Variants in RALGAPA1 observed in about 807,000 individuals in gnomAD.
RALGAPA1 encodes Ral GTPase activating protein catalytic subunit alpha 1.
RALGAPA1 carries 52 observed loss-of-function variants against 269.6 expected under a neutral mutation model. The observed-to-expected ratio is 0.19, with a 90% CI of 0.15 to 0.24. The LOEUF is 0.24. RALGAPA1 is among the 10% of genes least tolerant of loss of function. RALGAPA1 has a pLI of 1.00. For missense variants in RALGAPA1, 1,917 were observed against 3,013.9 expected, an observed-to-expected ratio of 0.64 and a Z score of 8.52; for synonymous variants, 817 against 1,008.3, an observed-to-expected ratio of 0.81 and a Z score of 3.60.
chr14:35,551,654 G>A (rs931978060), intron 39 of RALGAPA1, among the ~76,000 whole-genome samples: 4 of 152,088 alleles, frequency 2.6e-5, no homozygotes, highest in African/African-American at 9.7e-5. Flanking sequence ...TAAAGCAGGG[G>A]AGGATATTTC....
chr14:35,606,949 G>C (rs925419741), intron 35 of RALGAPA1, among the ~76,000 whole-genome samples: 3 of 152,124 alleles, frequency 2.0e-5, no homozygotes, highest in Non-Finnish European at 4.4e-5. Flanking sequence ...TGAGCACATA[G>C]GCAAACTTTC....
intron 39 of RALGAPA1, among the ~76,000 whole-genome samples, chr14:35,562,544 A>G (rs187390921): frequency 4.6e-5 from 7 of 152,346 alleles, no homozygotes; most frequent in African/African-American, 1.7e-4. Flanking sequence ...CTGATTAAGT[A>G]GTCAAAATAA....
At chr14:35,664,043 T>C (rs2063747164) in intron 27 of RALGAPA1, among the ~76,000 whole-genome samples, 1 of 152,164 alleles carries the variant, frequency 6.6e-6, no homozygotes. Context: ...TGAAGACTTA[T>C]AAACAACAAG....
rs536709411 is a variant in RALGAPA1, at chr14:35,734,171, C to T, written c.1587+4342G>A. On this transcript the variant is annotated intron_variant, in intron 12 of 41. Coordinates refer to ENST00000680220, the MANE Select transcript of RALGAPA1 (RefSeq NM_001346249.2). ...TTCAATGCAATCTCTATCAAAATGC[C>T]ACTATAATTCTTCACAGAATTAGAA... 2.6e-5 allele frequency among the ~76,000 whole-genome samples: 4 copies of T among 152,150 alleles called. No individual in the cohort carries two copies. The South Asian group carries it at 8.3e-4, about 32-fold the overall frequency.
chr14:35,667,483 G>A (rs564747861), intron 26 of RALGAPA1, among the ~76,000 whole-genome samples: 6 of 152,248 alleles, frequency 3.9e-5, no homozygotes, highest in East Asian at 3.9e-4. Context: ...TTTCCAAAAC[G>A]TAGTCTAAAG....
chr14:35,767,896 T>A (rs2074282707), intron 4 of RALGAPA1, among the ~76,000 whole-genome samples: 2 of 152,060 alleles, frequency 1.3e-5, no homozygotes, highest in South Asian at 4.2e-4. Flanking sequence ...CAAATCAGCC[T>A]CCCAAGGAGC....
intron 25 of RALGAPA1, 131 bp downstream of exon 25, chr14:35,672,736 T>C: frequency 1.2e-6 from 1 of 822,688 alleles, no homozygotes; most frequent in South Asian, 3.2e-5. Context: ...TGAAGTAAAT[T>C]GTATATAAAT....
intron 26 of RALGAPA1, among the ~76,000 whole-genome samples, chr14:35,669,968 G>A (rs1475090866): frequency 2.0e-5 from 3 of 152,116 alleles, no homozygotes; most frequent in Non-Finnish European, 2.9e-5. Context: ...GCTAGGCTCC[G>A]GAGATACCAA....
chr14:35,591,517 A>T (rs2058634042), intron 37 of RALGAPA1, among the ~76,000 whole-genome samples: 1 of 151,918 alleles, frequency 6.6e-6, no homozygotes, highest in Non-Finnish European at 1.5e-5. Context: ...TTGCTATGTT[A>T]CTCAGGTTGG....
intron 22 of RALGAPA1, chr14:35,677,641 G>C (rs922674945): frequency 7.3e-6 from 2 of 273,650 alleles, no homozygotes; most frequent in Admixed American, 5.9e-5. Context: ...TAAGAATAAG[G>C]ATGCCAAATT....
chr14:35,716,720 C>G (rs1178150649), intron 16 of RALGAPA1, among the ~76,000 whole-genome samples: 1 of 152,080 alleles, frequency 6.6e-6, no homozygotes, highest in Non-Finnish European at 1.5e-5. Flanking sequence ...ACAGACCCCA[C>G]CTCAACTTTT....
intron 16 of RALGAPA1, among the ~76,000 whole-genome samples, chr14:35,709,180 C>CA (rs1371505798): frequency 3.3e-5 from 5 of 151,742 alleles, no homozygotes; most frequent in Non-Finnish European, 4.4e-5. Flanking sequence ...GTGACTATAG[C>CA]AAAAAATAAT....
chr14:35,612,190 A>G (rs1236694722), intron 35 of RALGAPA1, among the ~76,000 whole-genome samples: 1 of 152,006 alleles, frequency 6.6e-6, no homozygotes, highest in Non-Finnish European at 1.5e-5. Context: ...TAGACAACAT[A>G]GTGAGACCTC....
intron 14 of RALGAPA1, 70 bp from the exon 15 acceptor site, chr14:35,723,334 T>G (rs1195789747): frequency 7.0e-6 from 6 of 856,584 alleles, no homozygotes; most frequent in Non-Finnish European, 1.1e-5. Context: ...AGACATTCAA[T>G]TCTTAAAAAA....
chr14:35,617,580 T>C (rs558067123), intron 35 of RALGAPA1, among the ~76,000 whole-genome samples: 26 of 129,128 alleles, frequency 2.0e-4, no homozygotes, highest in African/African-American at 7.4e-4. Flanking sequence ...ATCATGTCAT[T>C]GAACTCCAGC....
chr14:35,722,199 C>A (rs1221448834), intron 15 of RALGAPA1, among the ~76,000 whole-genome samples: 1 of 152,128 alleles, frequency 6.6e-6, no homozygotes, highest in Non-Finnish European at 1.5e-5. Context: ...TCTAATCTGC[C>A]AATAATAGCC....
chr14:35,663,942 GAC>G (rs1348193117), intron 27 of RALGAPA1, among the ~76,000 whole-genome samples: 1 of 152,118 alleles, frequency 6.6e-6, no homozygotes, highest in Non-Finnish European at 1.5e-5. Flanking sequence ...GTCTCAGTAA[GAC>G]ACAGGTCTTA....
intron 39 of RALGAPA1, among the ~76,000 whole-genome samples, chr14:35,559,440 T>G (rs1433957053): frequency 6.6e-6 from 1 of 152,026 alleles, no homozygotes; most frequent in Non-Finnish European, 1.5e-5. Flanking sequence ...TGAACAATAA[T>G]GTGAGTGGAG....
At position 35,634,158 on chromosome 14, in the gene RALGAPA1, G is replaced by A. The variant is rs146729635; in HGVS notation, c.5995+416C>T. Reference sequence around the variant, plus strand: ...TAATTTAGCCAGAAGTACATGTTGAGTATCCCTAATCTGAAAATCTGAAAT... The same window carrying A: ...TAATTTAGCCAGAAGTACATGTTGAATATCCCTAATCTGAAAATCTGAAAT... On this transcript the variant is annotated intron_variant, in intron 33 of 41. Coordinates refer to ENST00000680220, the MANE Select transcript of RALGAPA1 (RefSeq NM_001346249.2). Among the ~76,000 whole-genome samples, 797 of 152,154 alleles carry A rather than the reference G, an allele frequency of 5.2e-3. 1 individual carries two copies. The highest frequency in any genetic ancestry group is 0.018 in the African/African-American group (728 of 41,538).
Sources: allele counts gnomAD v4.1 joint callset (sites outside exome capture counted in the v4.1 genomes callset), GRCh38; gene constraint gnomAD v4.1.1; transcripts MANE v1.5; gene names NCBI Gene and HGNC (gene_info 2026-07-23, HGNC 2026-07-21).